The following DLGAP1 variants were observed in gnomAD, a reference collection of about 807,000 sequenced individuals.
The protein encoded by DLGAP1 is DLG associated protein 1.
In DLGAP1, 11 loss-of-function variants were observed where a neutral mutation model predicts 90.8. The ratio of observed to expected loss-of-function variants is 0.12; its 90% CI spans 0.08 to 0.20. DLGAP1 has a LOEUF of 0.20. DLGAP1 is among the 10% of genes least tolerant of loss of function. The probability of loss-of-function intolerance (pLI) is 1.00; values close to 1 mark genes in which losing one functional copy is unlikely to be tolerated. For synonymous variants in DLGAP1, 558 were observed against 540.7 expected (o/e 1.03, Z -0.44); for missense variants, 1,050 against 1,333.8 (o/e 0.79, Z 3.31).
chr18:4,179,597 G>C (rs1212314871), intron 1 of DLGAP1, among the ~76,000 whole-genome samples: 1 of 152,078 alleles, frequency 6.6e-6, no homozygotes, highest in Admixed American at 6.6e-5. Context: ...CTTATTCAAG[G>C]TCACACAGCT....
chr18:4,447,159 C>T (rs559603014), intron 1 of DLGAP1, among the ~76,000 whole-genome samples: 3 of 152,136 alleles, frequency 2.0e-5, no homozygotes, highest in African/African-American at 7.2e-5. Context: ...ACTGCAATCC[C>T]CCTCCACCCT....
chr18:3,884,609 G>A (rs1453703492), intron 3 of DLGAP1, among the ~76,000 whole-genome samples: 1 of 152,144 alleles, frequency 6.6e-6, no homozygotes, highest in Admixed American at 6.5e-5. Context: ...CAGAGCAAAC[G>A]AAGAGCTGTT....
intron 1 of DLGAP1, among the ~76,000 whole-genome samples, chr18:4,228,248 G>A: frequency 6.6e-6 from 1 of 151,950 alleles, no homozygotes; most frequent in East Asian, 1.9e-4. Context: ...GGGACCTGAT[G>A]GCTTCACTGC....
chr18:3,506,382 G>A (rs1315965671), intron 11 of DLGAP1, among the ~76,000 whole-genome samples: 7 of 151,728 alleles, frequency 4.6e-5, no homozygotes, highest in African/African-American at 2.4e-5. Flanking sequence ...CTGTGGTGGC[G>A]CATGCCTGTA....
chr18:4,075,995 G>A (rs753791084), intron 2 of DLGAP1, among the ~76,000 whole-genome samples: 3 of 151,968 alleles, frequency 2.0e-5, no homozygotes, highest in Admixed American at 1.3e-4. Context: ...ACTCTTGGTC[G>A]CTCTCCCTCT....
intron 1 of DLGAP1, among the ~76,000 whole-genome samples, chr18:4,448,988 AC>A (rs943601458): frequency 1.1e-4 from 16 of 152,284 alleles, no homozygotes; most frequent in African/African-American, 3.4e-4. Context: ...TCTTCCACTT[AC>A]AAACCACATA....
chr18:3,822,052 G>C (rs946576463), intron 4 of DLGAP1: 14 of 894,712 alleles, frequency 1.6e-5, no homozygotes, highest in Non-Finnish European at 1.9e-5. Context: ...AGCAAGAATA[G>C]GAAAATTACA....
At chr18:3,599,151 T>A (rs1420352592) in intron 7 of DLGAP1, among the ~76,000 whole-genome samples, 2 of 152,250 alleles carry the variant, frequency 1.3e-5, no homozygotes, top group African/African-American at 4.8e-5. Flanking sequence ...TCTAGGAACC[T>A]AGGAACCTGT....
At chr18:4,422,068 T>C (rs2083049041) in intron 1 of DLGAP1, among the ~76,000 whole-genome samples, 1 of 152,154 alleles carries the variant, frequency 6.6e-6, no homozygotes, top group African/African-American at 2.4e-5. Context: ...CATAAAAATA[T>C]TTGGTTCATA....
At chr18:3,808,322 G>A (rs923918702) in intron 5 of DLGAP1, among the ~76,000 whole-genome samples, 5 of 151,280 alleles carry the variant, frequency 3.3e-5, no homozygotes, top group Admixed American at 2.0e-4. Flanking sequence ...GTCAGGTCGC[G>A]TTTCTTATTA....
At chr18:3,588,177 G>C (rs1205683423) in intron 7 of DLGAP1, among the ~76,000 whole-genome samples, 1 of 152,034 alleles carries the variant, frequency 6.6e-6, no homozygotes, top group Non-Finnish European at 1.5e-5. Flanking sequence ...TATATTTTTG[G>C]GGCCGGGCGC....
intron 2 of DLGAP1, among the ~76,000 whole-genome samples, chr18:4,049,492 A>G (rs1055931257): frequency 1.2e-4 from 19 of 152,016 alleles, no homozygotes; most frequent in African/African-American, 4.6e-4. Context: ...CTGCCACCAT[A>G]TCCCTGTTCT....
intron 1 of DLGAP1, among the ~76,000 whole-genome samples, chr18:4,374,550 GAA>G (rs2081978295): frequency 6.6e-6 from 1 of 151,828 alleles, no homozygotes. Context: ...ATGAAAAGTT[GAA>G]AAAGAGTAAA....
intron 7 of DLGAP1, among the ~76,000 whole-genome samples, chr18:3,592,567 G>A (rs1004233490): frequency 1.3e-5 from 2 of 152,146 alleles, no homozygotes; most frequent in African/African-American, 4.8e-5. Flanking sequence ...GGCTGGGTGT[G>A]GTGGCTCACA....
chr18:3,516,218 CTTT>C (rs200518767), intron 10 of DLGAP1, among the ~76,000 whole-genome samples: 1 of 148,404 alleles, frequency 6.7e-6, no homozygotes, highest in African/African-American at 2.5e-5. Context: ...AGAAGTTTTT[CTTT>C]TTTTTTTAAT....
At chr18:3,738,898 G>GAATCT (rs1177122707) in intron 6 of DLGAP1, among the ~76,000 whole-genome samples, 3 of 147,338 alleles carry the variant, frequency 2.0e-5, no homozygotes, top group Non-Finnish European at 3.0e-5. Flanking sequence ...CTAATATCCA[G>GAATCT]AATCTACAAT....
At chr18:4,288,864 CTTTAA>C (rs140898735) in intron 1 of DLGAP1, among the ~76,000 whole-genome samples, 4,594 of 151,996 alleles carry the variant, frequency 0.03, 153 homozygotes, top group African/African-American at 0.085. Flanking sequence ...TCATTTTTAA[CTTTAA>C]TTTCTTTGGG....
chr18:4,141,185 AG>A (rs2076489111), intron 2 of DLGAP1, among the ~76,000 whole-genome samples: 1 of 151,870 alleles, frequency 6.6e-6, no homozygotes, highest in African/African-American at 2.4e-5. Flanking sequence ...TTCTTTTTTG[AG>A]GCTATTTTCT....
intron 5 of DLGAP1, among the ~76,000 whole-genome samples, chr18:3,765,130 C>CTTT (rs1212463684): frequency 3.5e-5 from 4 of 113,234 alleles, no homozygotes; most frequent in Admixed American, 1.1e-4. Flanking sequence ...TTTTTTTTTT[C>CTTT]TTTTTTTTTT....
Sources: allele counts gnomAD v4.1 joint callset (sites outside exome capture counted in the v4.1 genomes callset), GRCh38; gene constraint gnomAD v4.1.1; transcripts MANE v1.5; gene names NCBI Gene and HGNC (gene_info 2026-07-23, HGNC 2026-07-21).